RNF150: variants seen among roughly 807,000 people sequenced by gnomAD.
RNF150 encodes the protein ring finger protein 150.
A neutral mutation model predicts 39.3 loss-of-function variants in RNF150; 24 were observed. The ratio of observed to expected loss-of-function variants is 0.61; its 90% confidence interval spans 0.44 to 0.86. The LOEUF is 0.86. Among genes scored for constraint, RNF150 ranks in the 40% least tolerant of loss-of-function variants. The pLI is 0.00. For synonymous variants in RNF150, 255 were observed against 227.3 expected, an observed-to-expected ratio of 1.12 and a Z score of -1.10; for missense variants, 502 against 587.8, an observed-to-expected ratio of 0.85 and a Z score of 1.51.
At chr4:141,156,308 T>C (rs1320281243) in intron 1 of RNF150, among the ~76,000 whole-genome samples, 3 of 152,206 alleles carry the variant, frequency 2.0e-5, no homozygotes, top group Admixed American at 6.5e-5. Context: ...TGAGACAGGG[T>C]CTTACTCTGT....
At chr4:141,203,164 A>G in intron 1 of RNF150, among the ~76,000 whole-genome samples, 1 of 102,550 alleles carries the variant, frequency 9.8e-6, no homozygotes, top group Non-Finnish European at 1.9e-5. Flanking sequence ...TATCTTGGAG[A>G]TATATAATCT....
At chr4:140,948,818 T>C (rs1002245269) in intron 3 of RNF150, among the ~76,000 whole-genome samples, 31 of 152,222 alleles carry the variant, frequency 2.0e-4, no homozygotes, top group Admixed American at 6.5e-5. Context: ...GTGGAGAACA[T>C]AGCTCAGCAC....
Position 141,116,928 on chromosome 4 carries a change from G to A in RNF150, c.484+15397C>T, listed in dbSNP as rs182163929. On this transcript the variant is annotated intron_variant, in intron 1 of 6. Coordinates refer to ENST00000515673, the MANE Select transcript of RNF150 (RefSeq NM_020724.2). ...ACATCGCATGTTCTTACTCATAAGT[G>A]GGAGCTGAAGGATGAGAACACATGA... is the stretch of plus-strand genomic sequence containing the variant. 3.0e-3 allele frequency among the ~76,000 whole-genome samples: 462 copies of A among 152,176 alleles called. 1 individual carries two copies. Among genetic ancestry groups the A allele is most frequent in the African/African-American group, 9.9e-3 (409 of 41,498 alleles).
intron 1 of RNF150, among the ~76,000 whole-genome samples, chr4:141,144,810 C>T (rs1461402371): frequency 6.6e-6 from 1 of 151,952 alleles, no homozygotes; most frequent in African/African-American, 2.4e-5. Flanking sequence ...TTTCCTAAGT[C>T]TTAAAAGGCC....
intron 1 of RNF150, among the ~76,000 whole-genome samples, chr4:140,986,787 A>T (rs376971581): frequency 6.6e-6 from 1 of 152,090 alleles, no homozygotes; most frequent in Non-Finnish European, 1.5e-5. Context: ...CACAGTAATC[A>T]GGCAAGAGAA....
intron 6 of RNF150, among the ~76,000 whole-genome samples, chr4:140,884,229 T>C (rs763721781): frequency 2.0e-5 from 3 of 152,230 alleles, no homozygotes; most frequent in Non-Finnish European, 2.9e-5. Context: ...CTTTAATTCA[T>C]TGGGCATCTT....
chr4:141,173,993 A>C (rs1396745388), intron 1 of RNF150, among the ~76,000 whole-genome samples: 4 of 152,108 alleles, frequency 2.6e-5, no homozygotes, highest in Non-Finnish European at 5.9e-5. Context: ...CTTGTATGTG[A>C]GAATGTTTGT....
chr4:140,867,561 T>G lies in RNF150; in HGVS notation c.*700A>C, dbSNP rs1728758128. 1.3e-5 allele frequency: 2 copies of G among 152,168 alleles called. No individual in the cohort carries two copies. Among genetic ancestry groups the G allele is most frequent in the Non-Finnish European group, 2.9e-5 (2 of 68,038 alleles). 9.4% of individuals were successfully genotyped at this position (152,168 alleles called of 1,614,324 possible). A position where few individuals can be genotyped will look rare whatever the true frequency, so the allele number is the denominator to read the frequency against. Reference sequence around the variant, plus strand: ...AAGTGGAAGCAAGTGTGATGTGGCTTAAAATAACCAGCAGTGGCCTCAGCA... The same window carrying G: ...AAGTGGAAGCAAGTGTGATGTGGCTGAAAATAACCAGCAGTGGCCTCAGCA... On this transcript the variant is annotated 3_prime_UTR_variant, in exon 7 of 7. Transcript: ENST00000515673.
rs267600025 is a variant in RNF150 at position 140,967,735 on chromosome 4, G to A, written c.623C>T (p.Ser208Leu). ...RNLQKYVSRT[S>L]VVFVSISFIV... is the part of the protein sequence containing the mutation. ...GAAGGAGATGGAGACAAACACAACC[G>A]AAGTGCGGCTCACATATTTCTGCAA... The change falls in exon 2 of 7, where the codon TCG becomes TTG. Residue 208 changes from serine to leucine, a missense_variant. Ser to Leu is a moderately radical substitution (Grantham distance 145). Transcript: ENST00000515673. 3.1e-6 allele frequency: 5 copies of A among 1,613,430 alleles called. No individual in the cohort carries two copies. Among genetic ancestry groups the A allele is most frequent in the African/African-American group, 1.3e-5 (1 of 74,860 alleles).
At chr4:140,881,620 A>C (rs1426639962) in intron 6 of RNF150, among the ~76,000 whole-genome samples, 2 of 151,550 alleles carry the variant, frequency 1.3e-5, no homozygotes, top group Non-Finnish European at 3.0e-5. Flanking sequence ...CATGCCTGTA[A>C]ACTCAGTCCT....
intron 1 of RNF150, among the ~76,000 whole-genome samples, chr4:141,016,845 C>T (rs1193579024): frequency 6.6e-6 from 1 of 152,098 alleles, no homozygotes; most frequent in Non-Finnish European, 1.5e-5. Context: ...GGGGTCTGTC[C>T]AGATTCTTCT....
rs115112544 is a variant in RNF150, at chr4:140,905,768, T to G, written c.1198+5376A>C. ...CAAACTTTTGTGGACTCAGTCTCCTTCCTGCCTGCAACCTTGAGAGGAGGC... is the reference window on the plus strand; with the variant it reads ...CAAACTTTTGTGGACTCAGTCTCCTGCCTGCCTGCAACCTTGAGAGGAGGC... On this transcript the variant is annotated intron_variant, in intron 6 of 6. Coordinates refer to ENST00000515673, the MANE Select transcript of RNF150 (RefSeq NM_020724.2). Among the ~76,000 whole-genome samples the G allele has an allele frequency of 7.9e-3, 1,052 of 132,802 alleles. 6 individuals are homozygous for G. Among genetic ancestry groups the G allele is most frequent in the Non-Finnish European group, 0.013 (745 of 58,858 alleles). 87.1% of individuals were successfully genotyped at this position (132,802 alleles called of 152,430 possible).
At chr4:141,092,643 G>T (rs1319461799) in intron 1 of RNF150, among the ~76,000 whole-genome samples, 1 of 151,820 alleles carries the variant, frequency 6.6e-6, no homozygotes, top group Non-Finnish European at 1.5e-5. Flanking sequence ...CAGAAAATTG[G>T]GTCCCAGAGG....
chr4:141,162,435 G>A (rs1187986700), intron 1 of RNF150, among the ~76,000 whole-genome samples: 1 of 152,080 alleles, frequency 6.6e-6, no homozygotes, highest in East Asian at 1.9e-4. Flanking sequence ...AGGCAGAAGA[G>A]GCTAGCCTTA....
intron 1 of RNF150, among the ~76,000 whole-genome samples, chr4:141,018,890 G>A (rs1268325474): frequency 6.6e-6 from 1 of 151,914 alleles, no homozygotes; most frequent in Non-Finnish European, 1.5e-5. Context: ...GAAATAAGGA[G>A]GGAAGATCAG....
chr4:140,930,942 G>GT (rs34765057), intron 4 of RNF150, among the ~76,000 whole-genome samples: 19,569 of 151,054 alleles, frequency 0.13, 1,467 homozygotes, highest in Admixed American at 0.21. Flanking sequence ...ATCTGCTGGG[G>GT]TTTTTTTTTG....
chr4:141,073,267 T>C (rs1036676756), intron 1 of RNF150, among the ~76,000 whole-genome samples: 2 of 152,146 alleles, frequency 1.3e-5, no homozygotes, highest in African/African-American at 4.8e-5. Context: ...GCAGTGACTA[T>C]CCCAGAGATA....
At chr4:141,027,999 C>T (rs766872511) in intron 1 of RNF150, among the ~76,000 whole-genome samples, 1 of 118,904 alleles carries the variant, frequency 8.4e-6, no homozygotes, top group Non-Finnish European at 1.6e-5. Flanking sequence ...GAAAATCTGA[C>T]AGGAACTTAA....
At chr4:141,130,825 T>C (rs1351115723) in intron 1 of RNF150, among the ~76,000 whole-genome samples, 1 of 152,238 alleles carries the variant, frequency 6.6e-6, no homozygotes, top group Non-Finnish European at 1.5e-5. Flanking sequence ...CATCCTTGAA[T>C]ATCAAAGTTT....
Sources: allele counts gnomAD v4.1 joint callset (sites outside exome capture counted in the v4.1 genomes callset), GRCh38; gene constraint gnomAD v4.1.1; transcripts MANE v1.5; gene names NCBI Gene and HGNC (gene_info 2026-07-23, HGNC 2026-07-21).